The following KCNN2 variants were observed in gnomAD, a reference collection of about 807,000 sequenced individuals.
KCNN2 encodes the protein small conductance calcium-activated potassium channel protein 2.
In KCNN2, 24 loss-of-function variants were observed where a neutral mutation model predicts 55.5. That is an observed-to-expected ratio of 0.43 (90% CI 0.31 to 0.61). KCNN2 has a LOEUF of 0.61. Among genes scored for constraint, KCNN2 ranks in the 20% least tolerant of loss-of-function variants. The pLI, the probability that KCNN2 is intolerant of heterozygous loss-of-function variation, is 0.08. For missense variants in KCNN2, 754 were observed against 853.6 expected (o/e 0.88, Z 1.45); for synonymous variants, 431 against 336.1 (o/e 1.28, Z -3.09).
chr5:114,331,771 G>C (rs1272552028), intron 2 of KCNN2, among the ~76,000 whole-genome samples: 1 of 152,080 alleles, frequency 6.6e-6, no homozygotes, highest in Non-Finnish European at 1.5e-5. Context: ...TAAGTAACAG[G>C]ACCAATTTTC....
At chr5:114,311,048 T>A (rs1214536380) in intron 2 of KCNN2, among the ~76,000 whole-genome samples, 2 of 152,118 alleles carry the variant, frequency 1.3e-5, no homozygotes, top group Non-Finnish European at 2.9e-5. Flanking sequence ...AATCTAGTTT[T>A]CTGCAAATTT....
At chr5:114,162,269 C>T (rs148336461) in intron 1 of KCNN2, among the ~76,000 whole-genome samples, 2,065 of 152,278 alleles carry the variant, frequency 0.014, 42 homozygotes, top group African/African-American at 0.046. Flanking sequence ...GAGGTCCACT[C>T]CAGACCCTGT....
rs201896679 is a variant in KCNN2 at position 114,202,583 on chromosome 5, A to ATTTT, written c.-270-18896_-270-18895insTTTT. Among the ~76,000 whole-genome samples, 518 of 55,340 alleles carry ATTTT rather than the reference A, an allele frequency of 9.4e-3. 7 individuals are homozygous for ATTTT. The highest frequency in any genetic ancestry group is 0.022 in the African/African-American group (412 of 18,760). The allele number at this position is 55,340 out of a possible 152,430, so 36.3% of individuals were successfully genotyped here. On this transcript the variant is annotated intron_variant, in intron 1 of 10. Transcript: ENST00000512097. ...TATGTGTGTGTATATATATATATAT[A>ATTTT]TATTTTTTTTTTTTTTTTCCCGAGA...
intron 2 of KCNN2, among the ~76,000 whole-genome samples, chr5:114,352,417 A>C (rs759609639): frequency 1.3e-5 from 2 of 148,706 alleles, no homozygotes; most frequent in Non-Finnish European, 3.0e-5. Context: ...TTTTATTGCC[A>C]TTGTTAACTT....
chr5:114,407,954 C>T (rs1346598405), intron 3 of KCNN2, among the ~76,000 whole-genome samples: 2 of 152,186 alleles, frequency 1.3e-5, no homozygotes, highest in African/African-American at 2.4e-5. Flanking sequence ...AGTGTTTCTA[C>T]AAAGCAGAAG....
intron 2 of KCNN2, among the ~76,000 whole-genome samples, chr5:114,304,445 T>G (rs1756228664): frequency 6.6e-6 from 1 of 152,202 alleles, no homozygotes; most frequent in South Asian, 2.1e-4. Context: ...ACCCTTATGA[T>G]TTGGCGAATC....
At chr5:114,457,111 A>G (rs1314613196) in intron 3 of KCNN2, among the ~76,000 whole-genome samples, 3 of 152,236 alleles carry the variant, frequency 2.0e-5, no homozygotes. Context: ...TGCTATAGAT[A>G]AATCTTTCCT....
chr5:114,115,068 A>C (rs747185486), intron 1 of KCNN2, among the ~76,000 whole-genome samples: 5 of 152,108 alleles, frequency 3.3e-5, no homozygotes, highest in Non-Finnish European at 7.4e-5. Context: ...GACATGGTGA[A>C]GTTCTAATTC....
upstream of KCNN2, chr5:114,360,984 C>G (rs893877233): frequency 6.5e-6 from 1 of 152,904 alleles, no homozygotes; most frequent in African/African-American, 2.4e-5. Context: ...AGCTGGAGGC[C>G]GGCGGTGGCT....
At chr5:114,168,117 A>G (rs1297460176) in intron 1 of KCNN2, among the ~76,000 whole-genome samples, 1 of 151,756 alleles carries the variant, frequency 6.6e-6, no homozygotes, top group Non-Finnish European at 1.5e-5. Context: ...TTTTAAATAT[A>G]TGTAGCATTA....
chr5:114,344,706 T>G (rs1234107007), intron 2 of KCNN2, among the ~76,000 whole-genome samples: 1 of 152,204 alleles, frequency 6.6e-6, no homozygotes, highest in Non-Finnish European at 1.5e-5. Flanking sequence ...TCCTATCACT[T>G]GGGAGAGTCT....
chr5:114,304,787 C>T (rs757567208), intron 2 of KCNN2, among the ~76,000 whole-genome samples: 1 of 152,180 alleles, frequency 6.6e-6, no homozygotes, highest in Non-Finnish European at 1.5e-5. Context: ...TTCAAGTCTT[C>T]AGAAAGATAG....
intron 1 of KCNN2, among the ~76,000 whole-genome samples, chr5:114,207,155 C>G (rs115136839): frequency 2.5e-3 from 376 of 152,232 alleles, no homozygotes; most frequent in African/African-American, 8.7e-3. Context: ...ATGACTAGTT[C>G]TTGTTTTGGG....
intron 1 of KCNN2, among the ~76,000 whole-genome samples, chr5:114,143,577 C>T (rs748108771): frequency 1.5e-4 from 23 of 152,272 alleles, no homozygotes; most frequent in African/African-American, 3.4e-4. Flanking sequence ...CCACAAGGGT[C>T]GCATTCCATA....
At chr5:114,148,701 A>G (rs1001082681) in intron 1 of KCNN2, among the ~76,000 whole-genome samples, 9 of 152,102 alleles carry the variant, frequency 5.9e-5, no homozygotes, top group Admixed American at 2.0e-4. Flanking sequence ...AGAGGGGGCA[A>G]TGGCTTAGTA....
intron 1 of KCNN2, among the ~76,000 whole-genome samples, chr5:114,206,418 AT>A (rs1753777349): frequency 6.6e-6 from 1 of 152,132 alleles, no homozygotes; most frequent in Admixed American, 6.6e-5. Flanking sequence ...AAGCTCCTGA[AT>A]CCATGATTTC....
Position 114,082,344 on chromosome 5 carries a change from A to G in KCNN2, c.-271+25844A>G, listed in dbSNP as rs530113693. Among the ~76,000 whole-genome samples the G allele has an allele frequency of 3.9e-5, 6 of 152,140 alleles. No homozygotes were observed. The East Asian group carries it at 1.2e-3, about 29-fold the overall frequency. On this transcript the variant is annotated intron_variant, in intron 1 of 10. Transcript: ENST00000512097. ...ATCTTTAAAAAAAAAAAAAAGAAAAAGATGCTGAACATTACTAGTCACTAG... is the reference window on the plus strand; with the variant it reads ...ATCTTTAAAAAAAAAAAAAAGAAAAGGATGCTGAACATTACTAGTCACTAG...
intron 1 of KCNN2, among the ~76,000 whole-genome samples, chr5:114,093,978 T>A (rs1403450959): frequency 6.6e-6 from 1 of 152,214 alleles, no homozygotes; most frequent in African/African-American, 2.4e-5. Context: ...AACCAATCTA[T>A]GTATATATAG....
At chr5:114,402,198 A>T (rs779169947) in intron 2 of KCNN2, among the ~76,000 whole-genome samples, 8 of 152,184 alleles carry the variant, frequency 5.3e-5, no homozygotes, top group African/African-American at 1.9e-4. Flanking sequence ...AAGGAAAGAG[A>T]TCCTTCTTAG....
Sources: allele counts gnomAD v4.1 joint callset (sites outside exome capture counted in the v4.1 genomes callset), GRCh38; gene constraint gnomAD v4.1.1; transcripts MANE v1.5; gene names NCBI Gene and HGNC (gene_info 2026-07-23, HGNC 2026-07-21).